Variants in RNF126 observed in about 807,000 individuals in gnomAD.
The protein encoded by RNF126 is E3 ubiquitin-protein ligase RNF126.
RNF126 carries 20 observed loss-of-function variants against 41.9 expected under a neutral mutation model. That is an observed-to-expected ratio of 0.48 (90% CI 0.34 to 0.69). RNF126 has a LOEUF of 0.69. Ranked by LOEUF, RNF126 falls within the 30% of genes least tolerant of loss-of-function variation. The pLI, the probability that RNF126 is intolerant of heterozygous loss-of-function variation, is 0.01. For missense variants in RNF126, 433 were observed against 460.6 expected (o/e 0.94, Z 0.55); for synonymous variants, 239 against 202.9 (o/e 1.18, Z -1.51).
chr19:652,064 C>T, intron 3 of RNF126, 169 bp downstream of exon 3: 1 of 730,716 alleles, frequency 1.4e-6, no homozygotes, highest in Non-Finnish European at 2.1e-6. Context: ...TCCAAGAAAC[C>T]AACCAAGCAG....
rs140074299 is a variant in RNF126, at chr19:659,625, T to G, written c.75+3422A>C. On this transcript the variant is annotated intron_variant, in intron 1 of 8. Coordinates refer to ENST00000292363, the MANE Select transcript of RNF126 (RefSeq NM_194460.3). The surrounding 1 kb of genome is among the most constrained non-coding windows in gnomAD (Gnocchi z 4.9). Reference sequence around the variant, plus strand: ...TACAGTCACAGCTCCAGTCAGTGCCTCCTCAGCAGGCTCGAGTCTGGGTCT... The same window carrying G: ...TACAGTCACAGCTCCAGTCAGTGCCGCCTCAGCAGGCTCGAGTCTGGGTCT... Among the ~76,000 whole-genome samples the G allele has an allele frequency of 4.2e-3, 638 of 152,194 alleles. 1 individual carries two copies. The highest frequency in any genetic ancestry group is 0.015 in the African/African-American group (605 of 41,516).
intron 8 of RNF126, 27 bp from the exon 9 acceptor site, chr19:648,304 G>A (rs1205260775): frequency 6.5e-7 from 1 of 1,546,080 alleles, no homozygotes; most frequent in Admixed American, 2.0e-5. Context: ...GCAGGGACGG[G>A]AGAAGGGGCA....
rs368100858 is a variant in RNF126 at position 648,112 on chromosome 19, G to A, written c.*16C>T. 53 of 1,554,452 alleles carry A rather than the reference G, an allele frequency of 3.4e-5. No homozygotes were observed. The highest frequency in any genetic ancestry group is 4.1e-5 in the Non-Finnish European group (47 of 1,145,904). On this transcript the variant is annotated 3_prime_UTR_variant, in exon 9 of 9. Transcript: ENST00000292363. ...GGTGGGAAAGGCCCCGTGCTTTCCC[G>A]ACGGCCGACGTGGGCTCACGAGTTG...
At chr19:652,601 T>C (rs1178982941) in intron 2 of RNF126, 3 of 606,354 alleles carry the variant, frequency 4.9e-6, no homozygotes, top group East Asian at 2.8e-5. Flanking sequence ...CTGAGGGAGG[T>C]GAGCGGCTGC....
intron 1 of RNF126, among the ~76,000 whole-genome samples, chr19:654,621 C>A (rs1316326243): frequency 8.6e-6 from 1 of 115,768 alleles, no homozygotes; most frequent in African/African-American, 3.4e-5. Flanking sequence ...GCAGCCTGGG[C>A]GAGGGAGCAA....
At chr19:648,514 A>G in intron 7 of RNF126, 27 bp from the exon 8 acceptor site, 2 of 1,527,596 alleles carry the variant, frequency 1.3e-6, no homozygotes, top group South Asian at 2.4e-5. Context: ...CTGCGGTCAC[A>G]GCGGGCGTGG....
intron 7 of RNF126, among the ~76,000 whole-genome samples, 176 bp downstream of exon 7, chr19:648,706 C>T (rs1235667490): frequency 6.6e-6 from 1 of 152,234 alleles, no homozygotes; most frequent in African/African-American, 2.4e-5. Flanking sequence ...CGGTGGCTCA[C>T]GCCTGTCATC....
In RNF126 at chr19:663,155, C is replaced by CCG. The variant is rs1428276579; in HGVS notation, c.-36_-35dup. 4 of 1,093,212 alleles carry CCG rather than the reference C, an allele frequency of 3.7e-6. No individual in the cohort carries two copies. The highest frequency in any genetic ancestry group is 3.4e-6 in the Non-Finnish European group (3 of 879,374). 67.7% of individuals were successfully genotyped at this position (1,093,212 alleles called of 1,614,324 possible). A position where few individuals can be genotyped will look rare whatever the true frequency, so the allele number is the denominator to read the frequency against. On this transcript the variant is annotated 5_prime_UTR_variant, in exon 1 of 9. Coordinates refer to ENST00000292363, the MANE Select transcript of RNF126 (RefSeq NM_194460.3). ...CCACCTACTCCGCGCCGCCCGCCCC[C>CCG]CGCGCGGCACCCGCCGCCGGCCGTT... is the stretch of plus-strand genomic sequence containing the variant.
chr19:652,474 C>A (rs2030357127), intron 2 of RNF126, 178 bp from the exon 3 acceptor site: 1 of 629,626 alleles, frequency 1.6e-6, no homozygotes, highest in Non-Finnish European at 2.7e-6. Flanking sequence ...GCCAGTAAAC[C>A]ACGGGTTTCT....
At chr19:654,709 G>A (rs2030486507) in intron 1 of RNF126, among the ~76,000 whole-genome samples, 3 of 138,562 alleles carry the variant, frequency 2.2e-5, no homozygotes, top group Admixed American at 7.6e-5. Flanking sequence ...TCTCATACCT[G>A]TAATCCTGGC....
intron 1 of RNF126, among the ~76,000 whole-genome samples, chr19:655,882 G>C (rs574344612): frequency 2.6e-5 from 4 of 151,450 alleles, no homozygotes; most frequent in Admixed American, 2.6e-4. Context: ...AGGCCACGGC[G>C]GGGGGGAGGG....
chr19:660,183 G>A (rs1169126603), intron 1 of RNF126, among the ~76,000 whole-genome samples: 2 of 152,264 alleles, frequency 1.3e-5, no homozygotes, highest in African/African-American at 4.8e-5. Flanking sequence ...GAGCGGCCAG[G>A]TGCCGGCCAC....
chr19:652,293 G>A lies in RNF126; in HGVS notation c.138C>T (p.Ser46=). The A allele has an allele frequency of 2.6e-6, 4 of 1,556,360 alleles. No individual in the cohort carries two copies. The highest frequency in any genetic ancestry group is 3.5e-6 in the Non-Finnish European group (4 of 1,157,948). The change falls in exon 3 of 9, where the codon AGC becomes AGT. Residue 46 remains serine, a synonymous_variant. Coordinates refer to ENST00000292363, the MANE Select transcript of RNF126 (RefSeq NM_194460.3). ...TGGAGGGGGCAGAACCATTTTCTGTGCTCCTGGGGAGAGAGTGCAGGTCAG... is the reference window on the plus strand; with the variant it reads ...TGGAGGGGGCAGAACCATTTTCTGTACTCCTGGGGAGAGAGTGCAGGTCAG... ...FIEELPEETR[S]TENGSAPSTA...
chr19:648,540 T>C, intron 7 of RNF126, 53 bp from the exon 8 acceptor site: 1 of 1,405,220 alleles, frequency 7.1e-7, no homozygotes, highest in Non-Finnish European at 9.7e-7. Context: ...CTGCCGAGCC[T>C]TCAAGGGCAG....
In RNF126 at chr19:648,833, G is replaced by A. The variant is rs761952007; in HGVS notation, c.670+49C>T. 25 of 1,125,022 alleles carry A rather than the reference G, an allele frequency of 2.2e-5. No homozygotes were observed. In the East Asian group the frequency reaches 6.4e-4, roughly 29 times the overall value. The allele number at this position is 1,125,022 out of a possible 1,614,324, so 69.7% of individuals were successfully genotyped here. The stretch of plus-strand genomic sequence containing the variant: ...AAAATACAAGTATGAGCCAGGCGTG[G>A]CGGCGGGTGCCTGTAATTCCCACTA... On this transcript the variant is annotated intron_variant, in intron 7 of 8. Coordinates refer to ENST00000292363, the MANE Select transcript of RNF126 (RefSeq NM_194460.3).
At chr19:652,520 C>A in intron 2 of RNF126, 1 of 604,156 alleles carries the variant, frequency 1.7e-6, no homozygotes, top group Middle Eastern at 4.3e-4. Flanking sequence ...GCCTCCTAAG[C>A]GTGAGAATGT....
chr19:652,272 G>A lies in RNF126; in HGVS notation c.159C>T (p.Pro53=), dbSNP rs1420855890. 11 of 1,553,972 alleles carry A rather than the reference G, an allele frequency of 7.1e-6. No individual in the cohort carries two copies. Among genetic ancestry groups the A allele is most frequent in the Non-Finnish European group, 9.5e-6 (11 of 1,159,054 alleles). ...GGCTCTGGTCTGTGGGAGCTGTGGAGGGGGCAGAACCATTTTCTGTGCTCC... is the reference window on the plus strand; with the variant it reads ...GGCTCTGGTCTGTGGGAGCTGTGGAAGGGGCAGAACCATTTTCTGTGCTCC... ...ETRSTENGSA[P]STAPTDQSRP... The change falls in exon 3 of 9, where the codon CCC becomes CCT. Residue 53 remains proline (P), a synonymous_variant. Coordinates refer to ENST00000292363, the MANE Select transcript of RNF126 (RefSeq NM_194460.3).
At chr19:652,203 A>G (rs749078941) in intron 3 of RNF126, 30 bp downstream of exon 3, 23 of 1,502,214 alleles carry the variant, frequency 1.5e-5, no homozygotes, top group Non-Finnish European at 1.9e-5. Context: ...GGCTGACACG[A>G]TCGGGAAGCA....
rs954899570 is a variant in RNF126 at position 663,116 on chromosome 19, G to A, written c.6C>T (p.Ala2=). Residue 2 remains alanine, a synonymous_variant, in exon 1 of 9, where the codon GCC becomes GCT. Transcript: ENST00000292363. M[A]EASPHPGRYF... is the part of the protein sequence containing the mutation. ...ACCGTCCGGGATGCGGCGACGCCTC[G>A]GCCATGGCCGCCGCCACCTACTCCG... The A allele has an allele frequency of 3.1e-6, 4 of 1,300,866 alleles. No homozygotes were observed. The highest frequency in any genetic ancestry group is 3.9e-6 in the Non-Finnish European group (4 of 1,019,154). The allele number at this position is 1,300,866 out of a possible 1,614,324, so 80.6% of individuals were successfully genotyped here.
Sources: gnomAD v4.1 joint callset for allele counts (sites outside exome capture counted in the v4.1 genomes callset) on GRCh38, gnomAD v4.1.1 for gene constraint, Gnocchi (gnomAD v3.1) non-coding constraint, MANE v1.5 for transcripts, NCBI Gene and HGNC (gene_info 2026-07-23, HGNC 2026-07-21) for gene names.